MBD5: variants seen among roughly 807,000 people sequenced by gnomAD.
The protein encoded by MBD5 is methyl-CpG binding domain protein 5, also known as methyl-CpG-binding domain protein 5.
MBD5 carries 13 observed loss-of-function variants against 117.3 expected under a neutral mutation model. The observed-to-expected ratio is 0.11, with a 90% CI of 0.07 to 0.18. The LOEUF (loss-of-function observed/expected upper bound fraction) is 0.18. Ranked by LOEUF, MBD5 falls within the 10% of genes least tolerant of loss-of-function variation. MBD5 has a pLI of 1.00. For missense variants in MBD5, 1,879 were observed against 2,093.8 expected (o/e 0.90, Z 2.00); for synonymous variants, 727 against 766.4 (o/e 0.95, Z 0.85).
At chr2:148,286,720 A>G (rs1701376802) in intron 3 of MBD5, among the ~76,000 whole-genome samples, 1 of 152,180 alleles carries the variant, frequency 6.6e-6, no homozygotes, top group Non-Finnish European at 1.5e-5. Context: ...GTCCTTTATT[A>G]TTATTGTTGT....
intron 2 of MBD5, among the ~76,000 whole-genome samples, chr2:148,197,969 C>A (rs1382628856): frequency 6.6e-6 from 1 of 151,876 alleles, no homozygotes; most frequent in African/African-American, 2.4e-5. Flanking sequence ...GACCCACCAC[C>A]ATGCCCAGCT....
intron 1 of MBD5, among the ~76,000 whole-genome samples, chr2:148,167,538 T>C (rs78415957): frequency 0.013 from 1,920 of 152,284 alleles, 46 homozygotes; most frequent in African/African-American, 0.043. Flanking sequence ...TTAAAAACAT[T>C]GAAGTAGATT....
intron 1 of MBD5, among the ~76,000 whole-genome samples, chr2:148,152,413 C>G (rs1356406391): frequency 1.3e-5 from 2 of 152,072 alleles, no homozygotes; most frequent in Non-Finnish European, 2.9e-5. Flanking sequence ...AGTGTATATT[C>G]TGTTGATTTG....
chr2:148,239,607 T>C (rs926022721), intron 3 of MBD5, among the ~76,000 whole-genome samples: 6 of 151,978 alleles, frequency 3.9e-5, no homozygotes, highest in Non-Finnish European at 7.4e-5. Context: ...TTATTGATAA[T>C]GTTTATGGGT....
intron 4 of MBD5, among the ~76,000 whole-genome samples, chr2:148,428,360 G>T (rs952311311): frequency 2.6e-5 from 4 of 152,062 alleles, no homozygotes; most frequent in African/African-American, 9.7e-5. Context: ...ACAAATAAAT[G>T]GAAAAACGTT....
chr2:148,423,219 C>G (rs1055806282), intron 4 of MBD5, among the ~76,000 whole-genome samples: 8 of 152,080 alleles, frequency 5.3e-5, no homozygotes, highest in Admixed American at 1.3e-4. Context: ...GCCCATCAGA[C>G]TAACAGCAGA....
At position 148,302,576 on chromosome 2, in the gene MBD5, G is replaced by A. The variant is rs192135352; in HGVS notation, c.-679-39638G>A. On this transcript the variant is annotated intron_variant, in intron 3 of 13. Transcript: ENST00000642680. ...TAATTACATATAGATGTGGGACTTA[G>A]ATTGGATTATTTTTCTATGCAGATA... Among the ~76,000 whole-genome samples, 35 of 152,284 alleles carry A rather than the reference G, an allele frequency of 2.3e-4. No homozygotes were observed. The South Asian group carries it at 4.8e-3, about 21-fold the overall frequency.
intron 1 of MBD5, among the ~76,000 whole-genome samples, chr2:148,175,490 C>A (rs752797295): frequency 2.6e-5 from 4 of 152,088 alleles, no homozygotes; most frequent in Non-Finnish European, 4.4e-5. Context: ...GTATGTACAG[C>A]TAAGTGGGGC....
intron 2 of MBD5, among the ~76,000 whole-genome samples, chr2:148,220,607 T>G (rs2106068239): frequency 6.6e-6 from 1 of 152,264 alleles, no homozygotes; most frequent in Non-Finnish European, 1.5e-5. Context: ...TAGTCTTATT[T>G]TTTATTTTAA....
At chr2:148,356,889 C>T (rs1703393999) in intron 4 of MBD5, among the ~76,000 whole-genome samples, 1 of 151,872 alleles carries the variant, frequency 6.6e-6, no homozygotes, top group South Asian at 2.1e-4. Context: ...CATTTTTTCT[C>T]TTTTCTTTTC....
At chr2:148,432,219 T>C (rs956318615) in intron 4 of MBD5, among the ~76,000 whole-genome samples, 1 of 152,024 alleles carries the variant, frequency 6.6e-6, no homozygotes, top group African/African-American at 2.4e-5. Context: ...TTTAATGGGG[T>C]TGTTTCTTGT....
chr2:148,504,825 T>C (rs1681981655), intron 12 of MBD5, among the ~76,000 whole-genome samples: 2 of 152,038 alleles, frequency 1.3e-5, no homozygotes, highest in South Asian at 4.2e-4. Flanking sequence ...GACTGTAAAG[T>C]ATCGGATGGG....
At chr2:148,168,243 C>T (rs1270705463) in intron 1 of MBD5, among the ~76,000 whole-genome samples, 1 of 152,106 alleles carries the variant, frequency 6.6e-6, no homozygotes, top group East Asian at 1.9e-4. Context: ...TCTTCAATAG[C>T]CCTGTCTCTT....
At chr2:148,368,507 A>G (rs1006683535) in intron 4 of MBD5, among the ~76,000 whole-genome samples, 8 of 152,134 alleles carry the variant, frequency 5.3e-5, no homozygotes, top group Middle Eastern at 3.2e-3. Context: ...AAATAAAAAC[A>G]AAAAATATTT....
intron 12 of MBD5, 125 bp downstream of exon 12, chr2:148,502,634 C>G: frequency 2.2e-6 from 2 of 903,790 alleles, no homozygotes; most frequent in Non-Finnish European, 3.6e-6. Flanking sequence ...AAGTTTGTTA[C>G]CACCAAAGAG....
intron 4 of MBD5, among the ~76,000 whole-genome samples, chr2:148,425,054 T>A (rs1329935018): frequency 6.6e-6 from 1 of 152,022 alleles, no homozygotes; most frequent in South Asian, 2.1e-4. Context: ...CTGAAAGACA[T>A]AGAGACGCGA....
intron 2 of MBD5, among the ~76,000 whole-genome samples, chr2:148,190,960 G>C (rs1198233503): frequency 6.8e-6 from 1 of 147,998 alleles, no homozygotes; most frequent in Non-Finnish European, 1.5e-5. Context: ...TGCAATCCTA[G>C]TCTCTGATAA....
intron 4 of MBD5, among the ~76,000 whole-genome samples, chr2:148,378,797 G>C (rs1353464401): frequency 1.3e-5 from 2 of 151,998 alleles, no homozygotes; most frequent in Non-Finnish European, 2.9e-5. Flanking sequence ...TAGGAAAAAT[G>C]CATATTTACA....
At chr2:148,135,196 A>G (rs1346117021) in intron 1 of MBD5, among the ~76,000 whole-genome samples, 1 of 152,236 alleles carries the variant, frequency 6.6e-6, no homozygotes, top group African/African-American at 2.4e-5. Context: ...TAGGAAGTTT[A>G]CCAAAATATG....
Sources: allele counts gnomAD v4.1 joint callset (sites outside exome capture counted in the v4.1 genomes callset), GRCh38; gene constraint gnomAD v4.1.1; transcripts MANE v1.5; gene names NCBI Gene and HGNC (gene_info 2026-07-23, HGNC 2026-07-21).